The following CHRNA9 variants were observed in gnomAD, a reference collection of about 807,000 sequenced individuals.
CHRNA9 encodes the protein neuronal acetylcholine receptor subunit alpha-9.
In CHRNA9, 24 loss-of-function variants were observed where a neutral mutation model predicts 36.8. That is an observed-to-expected ratio of 0.65 (90% CI 0.47 to 0.92). The LOEUF is 0.92. Ranked by LOEUF, CHRNA9 falls within the 40% of genes least tolerant of loss-of-function variation. CHRNA9 has a pLI of 0.00. For missense variants in CHRNA9, 610 were observed against 601.2 expected, an observed-to-expected ratio of 1.01 and a Z score of -0.15; for synonymous variants, 231 against 231.8, an observed-to-expected ratio of 1.00 and a Z score of 0.03.
intron 3 of CHRNA9, among the ~76,000 whole-genome samples, chr4:40,347,234 C>A (rs1015909952): frequency 6.6e-6 from 1 of 152,130 alleles, no homozygotes; most frequent in Non-Finnish European, 1.5e-5. Flanking sequence ...ACACTGTGCC[C>A]AATATGTAGT....
At position 40,354,341 on chromosome 4, in the gene CHRNA9, T is replaced by C. The variant is rs1173945176; in HGVS notation, c.1261T>C (p.Tyr421His). ...PQEAESYCAQ[Y>H]KVLTRNIEYI... ...GGAGGCCGAGAGTTACTGTGCACAGTACAAAGTGCTGACGAGGAATATTGA... is the reference window on the plus strand; with the variant it reads ...GGAGGCCGAGAGTTACTGTGCACAGCACAAAGTGCTGACGAGGAATATTGA... The change falls in exon 5 of 5, where the codon TAC becomes CAC. Residue 421 changes from tyrosine to histidine, a missense_variant. Tyr to His is a moderately conservative substitution (Grantham distance 83). Coordinates refer to ENST00000310169, the MANE Select transcript of CHRNA9 (RefSeq NM_017581.4). 1.9e-6 allele frequency: 3 copies of C among 1,614,158 alleles called. No individual in the cohort carries two copies. Among genetic ancestry groups the C allele is most frequent in the Admixed American group, 3.3e-5 (2 of 60,022 alleles).
At position 40,343,594 on chromosome 4, in the gene CHRNA9, C is replaced by T. The variant is rs981815594; in HGVS notation, c.366-5288C>T. On this transcript the variant is annotated intron_variant, in intron 3 of 4. Coordinates refer to ENST00000310169, the MANE Select transcript of CHRNA9 (RefSeq NM_017581.4). ...AGATTTGGGTGGGGACACAGCCAAA[C>T]CATATCACTGCCTGAAGGCCACTGA... Among the ~76,000 whole-genome samples, 3 of 152,164 alleles carry T rather than the reference C, an allele frequency of 2.0e-5. 1 individual carries two copies. In the South Asian group the frequency reaches 6.2e-4, roughly 31 times the overall value.
chr4:40,343,955 G>A (rs1712567625), intron 3 of CHRNA9, among the ~76,000 whole-genome samples: 1 of 152,200 alleles, frequency 6.6e-6, no homozygotes, highest in Admixed American at 6.5e-5. Context: ...TTGAATTAAA[G>A]ATTTGAGATG....
intron 3 of CHRNA9, among the ~76,000 whole-genome samples, chr4:40,341,307 C>T (rs1474766338): frequency 6.7e-5 from 9 of 134,348 alleles, no homozygotes; most frequent in African/African-American, 1.4e-4. Context: ...GGGGTGGTGG[C>T]GGTAGTTTGC....
Position 40,354,530 on chromosome 4 carries a change from T to C in CHRNA9, c.*10T>C, listed in dbSNP as rs1347138188. On this transcript the variant is annotated 3_prime_UTR_variant, in exon 5 of 5. Transcript: ENST00000310169. ...AGCAAGAGCGGATTAGTCACAGATA[T>C]TGGCTTTGCTATCTGGGTAGAAATT... 3.8e-6 allele frequency: 6 copies of C among 1,586,118 alleles called. No individual in the cohort carries two copies. Among genetic ancestry groups the C allele is most frequent in the Admixed American group, 1.7e-5 (1 of 58,610 alleles).
chr4:40,337,612 G>A (rs1390927777), intron 3 of CHRNA9, among the ~76,000 whole-genome samples: 1 of 152,188 alleles, frequency 6.6e-6, no homozygotes, highest in Admixed American at 6.5e-5. Context: ...GGCTGCATTA[G>A]TTTGCTAGGG....
chr4:40,341,193 C>T (rs1712490903), intron 3 of CHRNA9, among the ~76,000 whole-genome samples: 1 of 151,724 alleles, frequency 6.6e-6, no homozygotes, highest in South Asian at 2.1e-4. Flanking sequence ...TACAAGGATT[C>T]CTGACATTTT....
At chr4:40,350,935 G>C (rs1344229991) in intron 4 of CHRNA9, among the ~76,000 whole-genome samples, 1 of 152,120 alleles carries the variant, frequency 6.6e-6, no homozygotes, top group African/African-American at 2.4e-5. Flanking sequence ...TCTAAAGGCA[G>C]ATGTCTCACA....
rs1183584901 is a variant in CHRNA9, at chr4:40,354,934, A to G, written c.*414A>G. On this transcript the variant is annotated 3_prime_UTR_variant, in exon 5 of 5. Coordinates refer to ENST00000310169, the MANE Select transcript of CHRNA9 (RefSeq NM_017581.4). ...TGAAAAATGAAATAGTCATATATATATTAGTGTGATTTAAGTCTCAATGGT... is the reference window on the plus strand; with the variant it reads ...TGAAAAATGAAATAGTCATATATATGTTAGTGTGATTTAAGTCTCAATGGT... 6.2e-6 allele frequency: 1 copy of G among 161,680 alleles called. No homozygotes were observed. The highest frequency in any genetic ancestry group is 1.4e-5 in the Non-Finnish European group (1 of 73,112). 10.0% of individuals were successfully genotyped at this position (161,680 alleles called of 1,614,324 possible).
intron 3 of CHRNA9, among the ~76,000 whole-genome samples, chr4:40,341,591 C>T (rs73811617): frequency 0.028 from 4,260 of 152,088 alleles, 231 homozygotes; most frequent in African/African-American, 0.099. Context: ...TTACATAGGG[C>T]GCAACCAATG....
At chr4:40,345,379 T>C (rs911718724) in intron 3 of CHRNA9, among the ~76,000 whole-genome samples, 1 of 151,876 alleles carries the variant, frequency 6.6e-6, no homozygotes, top group African/African-American at 2.4e-5. Context: ...TAGTGAGGCA[T>C]GGTCTCTACA....
At position 40,354,430 on chromosome 4, in the gene CHRNA9, G is replaced by A; in HGVS notation, c.1350G>A (p.Lys450=). 1 of 1,614,112 alleles carries A rather than the reference G, an allele frequency of 6.2e-7. No individual in the cohort carries two copies. The highest frequency in any genetic ancestry group is 2.2e-5 in the East Asian group (1 of 44,882). ...ATNSKGSEWK[K]VAKVIDRFFM... Reference sequence around the variant, plus strand: ...ATTCCAAGGGGAGTGAATGGAAGAAGGTGGCGAAAGTCATAGACCGATTCT... The same window carrying A: ...ATTCCAAGGGGAGTGAATGGAAGAAAGTGGCGAAAGTCATAGACCGATTCT... The change falls in exon 5 of 5, where the codon AAG becomes AAA. Residue 450 remains lysine, a synonymous_variant. Coordinates refer to ENST00000310169, the MANE Select transcript of CHRNA9 (RefSeq NM_017581.4).
chr4:40,348,069 G>GT (rs1231517991), intron 3 of CHRNA9: 7 of 151,976 alleles, frequency 4.6e-5, no homozygotes, highest in Non-Finnish European at 1.0e-4. Flanking sequence ...GGGACTGTCT[G>GT]TTTTTTTTCA....
chr4:40,338,614 G>A (rs10027965), intron 3 of CHRNA9, among the ~76,000 whole-genome samples: 21,470 of 152,028 alleles, frequency 0.14, 1,563 homozygotes, highest in African/African-American at 0.16. Context: ...TAAGGAAGCA[G>A]CACGGGTGGG....
intron 3 of CHRNA9, among the ~76,000 whole-genome samples, chr4:40,344,041 G>A (rs1395744061): frequency 5.3e-5 from 8 of 152,144 alleles, no homozygotes; most frequent in South Asian, 2.1e-4. Context: ...CAGAATAGGC[G>A]ATACCACAAA....
At position 40,349,347 on chromosome 4, in the gene CHRNA9, G is replaced by A. The variant is rs1712731276; in HGVS notation, c.831G>A (p.Leu277=). 2.5e-6 allele frequency: 4 copies of A among 1,614,060 alleles called. No homozygotes were observed. Among genetic ancestry groups the A allele is most frequent in the Non-Finnish European group, 3.4e-6 (4 of 1,179,978 alleles). The change falls in exon 4 of 5, where the codon TTG becomes TTA. Residue 277 remains leucine, a synonymous_variant. Coordinates refer to ENST00000310169, the MANE Select transcript of CHRNA9 (RefSeq NM_017581.4). ...TCTCCCTGGGAGTGACCATCCTGTT[G>A]GCCATGACTGTATTTCAGCTAATGG... is the stretch of plus-strand genomic sequence containing the variant. ...EKVSLGVTIL[L]AMTVFQLMVA...
Position 40,348,924 on chromosome 4 carries a change from C to T in CHRNA9, c.408C>T (p.Val136=), listed in dbSNP as rs1166472449. 5.6e-6 allele frequency: 9 copies of T among 1,614,106 alleles called. No individual in the cohort carries two copies. Among genetic ancestry groups the T allele is most frequent in the South Asian group, 2.2e-5 (2 of 91,080 alleles). The change falls in exon 4 of 5, where the codon GTC becomes GTT. Residue 136 remains valine, a synonymous_variant. Coordinates refer to ENST00000310169, the MANE Select transcript of CHRNA9 (RefSeq NM_017581.4). ...ESSEPVNTNV[V]LRYDGLITWD... ...CAGAGCCTGTGAACACCAATGTGGT[C>T]CTGCGGTATGATGGGCTGATCACCT...
intron 3 of CHRNA9, among the ~76,000 whole-genome samples, 158 bp downstream of exon 3, chr4:40,337,522 A>G (rs1029805977): frequency 1.3e-5 from 2 of 152,258 alleles, no homozygotes; most frequent in African/African-American, 4.8e-5. Flanking sequence ...ATCTTAGATC[A>G]GGAAATAATA....
At chr4:40,347,907 T>G (rs1712679963) in intron 3 of CHRNA9, 1 of 152,254 alleles carries the variant, frequency 6.6e-6, no homozygotes, top group Non-Finnish European at 1.5e-5. Context: ...TTAAGGCTCT[T>G]TGGTTGTAAG....
Sources: gnomAD v4.1 joint callset for allele counts (sites outside exome capture counted in the v4.1 genomes callset) on GRCh38, gnomAD v4.1.1 for gene constraint, MANE v1.5 for transcripts, NCBI Gene and HGNC (gene_info 2026-07-23, HGNC 2026-07-21) for gene names.